Variants in NDUFAF5 observed in about 807,000 individuals in gnomAD.
NDUFAF5 encodes arginine-hydroxylase NDUFAF5, mitochondrial.
In NDUFAF5, 34 loss-of-function variants were observed where a neutral mutation model predicts 48.9. The ratio of observed to expected loss-of-function variants is 0.70; its 90% CI spans 0.53 to 0.93. The LOEUF is 0.93. NDUFAF5 is among the 40% of genes least tolerant of loss of function. NDUFAF5 has a pLI of 0.00. For missense variants in NDUFAF5, 428 were observed against 427.5 expected, an observed-to-expected ratio of 1.00 and a Z score of -0.01; for synonymous variants, 153 against 150.6, an observed-to-expected ratio of 1.02 and a Z score of -0.12.
rs148305100 is a variant in NDUFAF5, at chr20:13,816,510, C to G, written c.826C>G (p.Arg276Gly). The stretch of plus-strand genomic sequence containing the variant: ...TTGGAATAGAAAAGCCCTGCTGCAT[C>G]GAGACACAATGCTGGCAGCTGCGGC... Reference protein sequence around the residue: ...CAWNRKALLHRDTMLAAAAVY... With the variant: ...CAWNRKALLHGDTMLAAAAVY... The change falls in exon 9 of 11, where the codon CGA becomes GGA. Residue 276 changes from arginine to glycine, a missense_variant. Transcript: ENST00000378106. 1 of 1,614,074 alleles carries G rather than the reference C, an allele frequency of 6.2e-7. No individual in the cohort carries two copies. The highest frequency in any genetic ancestry group is 2.2e-5 in the East Asian group (1 of 44,884).
At position 13,798,514 on chromosome 20, in the gene NDUFAF5, T is replaced by A; in HGVS notation, c.519+14T>A. 6.3e-7 allele frequency: 1 copy of A among 1,586,680 alleles called. No individual in the cohort carries two copies. Among genetic ancestry groups the A allele is most frequent in the African/African-American group, 1.3e-5 (1 of 74,440 alleles). ...GCACTTGAGCAGGTAAGAAAACTTA[T>A]GTTCATTCAACTATCTTGTGTTATT... is the stretch of plus-strand genomic sequence containing the variant. On this transcript the variant is annotated intron_variant, in intron 6 of 10. Coordinates refer to ENST00000378106, the MANE Select transcript of NDUFAF5 (RefSeq NM_024120.5).
At chr20:13,810,343 A>G (rs1881159687) in intron 8 of NDUFAF5, among the ~76,000 whole-genome samples, 2 of 152,362 alleles carry the variant, frequency 1.3e-5, no homozygotes, top group African/African-American at 4.8e-5. Context: ...CAAAGGGAGC[A>G]CTTAGCAGCG....
At chr20:13,798,342 A>T (rs1370067822) in intron 5 of NDUFAF5, 119 bp from the exon 6 acceptor site, 1 of 755,256 alleles carries the variant, frequency 1.3e-6, no homozygotes, top group African/African-American at 1.7e-5. Context: ...GTGGATTTGG[A>T]TATGCAGTTT....
chr20:13,795,007 A>C, intron 5 of NDUFAF5, 66 bp downstream of exon 5: 1 of 1,173,392 alleles, frequency 8.5e-7, no homozygotes, highest in Non-Finnish European at 1.3e-6. Context: ...AAGTTTTGCT[A>C]TGAGGCCAGG....
At chr20:13,813,264 T>C (rs558271970) in intron 8 of NDUFAF5, among the ~76,000 whole-genome samples, 3 of 152,344 alleles carry the variant, frequency 2.0e-5, no homozygotes, top group Non-Finnish European at 4.4e-5. Flanking sequence ...AGACCGTATA[T>C]TTTCAGAAAC....
intron 1 of NDUFAF5, among the ~76,000 whole-genome samples, chr20:13,786,398 C>T (rs1159474306): frequency 2.0e-5 from 3 of 152,296 alleles, no homozygotes; most frequent in Non-Finnish European, 2.9e-5. Context: ...AGAAGATGTG[C>T]GCTCATAGCC....
At chr20:13,800,019 G>C (rs77492867) in intron 6 of NDUFAF5, among the ~76,000 whole-genome samples, 2,044 of 152,226 alleles carry the variant, frequency 0.013, 51 homozygotes, top group African/African-American at 0.047. Context: ...GAATTGATTT[G>C]ATAAATAGAT....
rs1254250488 is a variant in NDUFAF5, at chr20:13,817,565, G to A, written c.*355G>A. 2.2e-6 allele frequency: 1 copy of A among 462,798 alleles called. No individual in the cohort carries two copies. The highest frequency in any genetic ancestry group is 4.3e-6 in the Non-Finnish European group (1 of 233,096). The allele number at this position is 462,798 out of a possible 1,614,324, so 28.7% of individuals were successfully genotyped here. On this transcript the variant is annotated 3_prime_UTR_variant, in exon 11 of 11. Transcript: ENST00000378106. ...ATACTGTTTTCTTTGCCTTGAAGAG[G>A]AACAGATGAATATGCACCTTCTCCA...
chr20:13,793,252 G>C lies in NDUFAF5; in HGVS notation c.375+25G>C, dbSNP rs755303614. The C allele has an allele frequency of 3.2e-6, 5 of 1,571,702 alleles. No individual in the cohort carries two copies. The South Asian group carries it at 5.5e-5, about 17-fold the overall frequency. ...GGTAGGTAGCTTTTTAATACTGTTG[G>C]TTTCTAATCTCGTGATGTGTTTTCT... is the stretch of plus-strand genomic sequence containing the variant. On this transcript the variant is annotated intron_variant, in intron 4 of 10. Coordinates refer to ENST00000378106, the MANE Select transcript of NDUFAF5 (RefSeq NM_024120.5).
At chr20:13,786,684 G>A (rs1199891386) in intron 1 of NDUFAF5, among the ~76,000 whole-genome samples, 6 of 152,078 alleles carry the variant, frequency 3.9e-5, no homozygotes, top group African/African-American at 1.4e-4. Context: ...GGAATGTGGG[G>A]AATACTAGAC....
At chr20:13,801,989 A>C (rs1390871285) in intron 7 of NDUFAF5, 1 of 312,120 alleles carries the variant, frequency 3.2e-6, no homozygotes, top group East Asian at 8.3e-5. Context: ...ATCTAGTATT[A>C]GGTGTAAAAA....
At position 13,808,839 on chromosome 20, in the gene NDUFAF5, T is replaced by C. The variant is rs762483644; in HGVS notation, c.718-3T>C. On this transcript the variant is annotated splice_polypyrimidine_tract_variant and splice_region_variant and intron_variant, in intron 7 of 10. Coordinates refer to ENST00000378106, the MANE Select transcript of NDUFAF5 (RefSeq NM_024120.5). Reference sequence around the variant, plus strand: ...ATGAATATTTCTTTTTCTTTTTAAATAGGACACTGATGAAATTCAAGTTAA... The same window carrying C: ...ATGAATATTTCTTTTTCTTTTTAAACAGGACACTGATGAAATTCAAGTTAA... 5.8e-6 allele frequency: 9 copies of C among 1,549,002 alleles called. No individual in the cohort carries two copies. Among genetic ancestry groups the C allele is most frequent in the South Asian group, 1.1e-5 (1 of 89,552 alleles).
chr20:13,817,848 T>C lies in NDUFAF5; in HGVS notation c.*638T>C. ...AAGCTTTCCTTTGTAATTTCAGGGC[T>C]TAAGCACTATTATCCTAATCCAAGT... On this transcript the variant is annotated 3_prime_UTR_variant, in exon 11 of 11. Coordinates refer to ENST00000378106, the MANE Select transcript of NDUFAF5 (RefSeq NM_024120.5). 1 of 454,098 alleles carries C rather than the reference T, an allele frequency of 2.2e-6. No individual in the cohort carries two copies. The highest frequency in any genetic ancestry group is 4.4e-6 in the Non-Finnish European group (1 of 226,792). The allele number at this position is 454,098 out of a possible 1,614,324, so 28.1% of individuals were successfully genotyped here. A position where few individuals can be genotyped will look rare whatever the true frequency, so the allele number is the denominator to read the frequency against.
At chr20:13,798,298 A>G (rs544689309) in intron 5 of NDUFAF5, among the ~76,000 whole-genome samples, 163 bp from the exon 6 acceptor site, 6 of 152,330 alleles carry the variant, frequency 3.9e-5, no homozygotes, top group Non-Finnish European at 7.4e-5. Context: ...CTCTAGGAAT[A>G]TTTATAATTT....
Position 13,794,956 on chromosome 20 carries a change from T to C in NDUFAF5, c.479+15T>C. The C allele has an allele frequency of 6.6e-7, 1 of 1,520,686 alleles. No individual in the cohort carries two copies. 94.2% of individuals were successfully genotyped at this position (1,520,686 alleles called of 1,614,324 possible). ...AGCAGTTTAAGGTTGGTAATCCACT[T>C]TTTAAAAACCATATGTTATAAACAG... On this transcript the variant is annotated intron_variant, in intron 5 of 10. Coordinates refer to ENST00000378106, the MANE Select transcript of NDUFAF5 (RefSeq NM_024120.5).
At chr20:13,807,199 A>G (rs1985156170) in intron 7 of NDUFAF5, among the ~76,000 whole-genome samples, 1 of 152,024 alleles carries the variant, frequency 6.6e-6, no homozygotes, top group Admixed American at 6.5e-5. Flanking sequence ...GGCACCAACC[A>G]CCATGCCTGG....
intron 8 of NDUFAF5, chr20:13,814,388 C>G (rs987982126): frequency 3.4e-5 from 38 of 1,111,798 alleles, no homozygotes; most frequent in Admixed American, 7.0e-5. Flanking sequence ...TGTGGTGTGT[C>G]TCATTTAAGC....
rs1326168631 is a variant in NDUFAF5 at position 13,785,130 on chromosome 20, C to T, written c.62C>T (p.Ala21Val). 4 of 1,613,810 alleles carry T rather than the reference C, an allele frequency of 2.5e-6. No individual in the cohort carries two copies. The highest frequency in any genetic ancestry group is 2.2e-5 in the East Asian group (1 of 44,880). The change falls in exon 1 of 11, where the codon GCG becomes GTG. Residue 21 changes from alanine to valine, a missense_variant. Transcript: ENST00000378106. The stretch of plus-strand genomic sequence containing the variant: ...CGACCTTGGGCGGCGAGGGTCCCAG[C>T]GGAGAATCTTGGCCGTAGGGAAGTC... ...CRRPWAARVPAENLGRREVTS... is the reference protein window; with the variant it reads ...CRRPWAARVPVENLGRREVTS...
chr20:13,808,748 G>T (rs1332129825), intron 7 of NDUFAF5, 94 bp from the exon 8 acceptor site: 7 of 761,620 alleles, frequency 9.2e-6, no homozygotes, highest in Non-Finnish European at 1.6e-5. Context: ...CTTAGCATGG[G>T]AGATTGGTCT....
Sources: allele counts gnomAD v4.1 joint callset (sites outside exome capture counted in the v4.1 genomes callset), GRCh38; gene constraint gnomAD v4.1.1; transcripts MANE v1.5; gene names NCBI Gene and HGNC (gene_info 2026-07-23, HGNC 2026-07-21).